The following TMC1 variants were observed in gnomAD, a reference collection of about 807,000 sequenced individuals.
The protein encoded by TMC1 is transmembrane channel like 1.
Under a neutral mutation model 105.8 loss-of-function variants are expected in TMC1, and 84 were observed. That is an observed-to-expected ratio of 0.79 (90% CI 0.67 to 0.95). TMC1 has a LOEUF of 0.95. Ranked by LOEUF, TMC1 falls within the 40% of genes least tolerant of loss-of-function variation. TMC1 has a pLI of 0.00. For missense variants in TMC1, 817 were observed against 914.1 expected, an observed-to-expected ratio of 0.89 and a Z score of 1.37; for synonymous variants, 315 against 311.5, an observed-to-expected ratio of 1.01 and a Z score of -0.12.
At chr9:72,791,797 C>G in intron 15 of TMC1, 89 bp from the exon 16 acceptor site, 1 of 1,076,894 alleles carries the variant, frequency 9.3e-7, no homozygotes, top group Non-Finnish European at 1.4e-6. Context: ...ATCAAAGAAG[C>G]CTAGCTCAGA....
At chr9:72,743,054 G>A (rs921097135) in intron 10 of TMC1, among the ~76,000 whole-genome samples, 1 of 152,078 alleles carries the variant, frequency 6.6e-6, no homozygotes, top group Non-Finnish European at 1.5e-5. Context: ...TGGCCAGCGT[G>A]GTGAATCCCC....
intron 12 of TMC1, among the ~76,000 whole-genome samples, chr9:72,768,076 ATGCCCATC>A (rs1827866546): frequency 6.6e-6 from 1 of 152,224 alleles, no homozygotes; most frequent in African/African-American, 2.4e-5. Context: ...ACCAACCCAA[ATGCCCATC>A]AATGATAGAC....
chr9:72,578,600 G>A (rs968854338), intron 2 of TMC1, among the ~76,000 whole-genome samples: 4 of 152,192 alleles, frequency 2.6e-5, no homozygotes, highest in Admixed American at 2.6e-4. Context: ...CCGTAGGACT[G>A]TTTTCTATGG....
intron 5 of TMC1, among the ~76,000 whole-genome samples, chr9:72,657,566 TG>T (rs1298689227): frequency 2.0e-5 from 3 of 152,188 alleles, no homozygotes; most frequent in African/African-American, 7.2e-5. Flanking sequence ...TTTTCAGTTT[TG>T]GGGTGGTTCT....
chr9:72,676,725 A>G (rs1407419695), intron 5 of TMC1, among the ~76,000 whole-genome samples: 4 of 152,142 alleles, frequency 2.6e-5, no homozygotes, highest in Non-Finnish European at 5.9e-5. Flanking sequence ...CTCAGGACCC[A>G]GATAAACAGA....
At chr9:72,820,787 G>C in intron 19 of TMC1, 55 bp from the exon 20 acceptor site, 1 of 1,610,218 alleles carries the variant, frequency 6.2e-7, no homozygotes. Context: ...GGTGCAGTGT[G>C]ACTTTGTTAT....
intron 3 of TMC1, among the ~76,000 whole-genome samples, chr9:72,619,640 G>A (rs1250701510): frequency 6.6e-6 from 1 of 151,230 alleles, no homozygotes; most frequent in Non-Finnish European, 1.5e-5. Context: ...TACAAAATAT[G>A]TTATTTAACT....
chr9:72,773,977 T>A (rs1827970019), intron 13 of TMC1, among the ~76,000 whole-genome samples: 1 of 152,222 alleles, frequency 6.6e-6, no homozygotes, highest in African/African-American at 2.4e-5. Flanking sequence ...AACAAAGCAC[T>A]TAGAATATGC....
intron 12 of TMC1, among the ~76,000 whole-genome samples, chr9:72,764,863 C>G (rs1016403434): frequency 6.6e-6 from 1 of 152,126 alleles, no homozygotes; most frequent in African/African-American, 2.4e-5. Flanking sequence ...ATTGGATATG[C>G]AAACAAACAA....
At chr9:72,631,286 A>G (rs892662471) in intron 4 of TMC1, among the ~76,000 whole-genome samples, 6 of 152,216 alleles carry the variant, frequency 3.9e-5, no homozygotes, top group Non-Finnish European at 5.9e-5. Flanking sequence ...TAAAATTGCT[A>G]TATATTTTTG....
At chr9:72,810,558 A>G (rs565644734) in intron 18 of TMC1, among the ~76,000 whole-genome samples, 15 of 152,226 alleles carry the variant, frequency 9.9e-5, no homozygotes, top group Non-Finnish European at 2.1e-4. Flanking sequence ...ACATATTTAT[A>G]TATAGTAACA....
chr9:72,536,499 A>T (rs1165917344), intron 1 of TMC1, among the ~76,000 whole-genome samples: 1 of 151,944 alleles, frequency 6.6e-6, no homozygotes, highest in Non-Finnish European at 1.5e-5. Context: ...TGCCTGGCTA[A>T]TTTTTTGTAT....
At chr9:72,651,044 A>G (rs1450060951) in intron 5 of TMC1, 1 of 146,638 alleles carries the variant, frequency 6.8e-6, no homozygotes, top group Non-Finnish European at 1.5e-5. Context: ...GCTGCGTGGT[A>G]TTTCATGGTG....
At chr9:72,531,557 A>G (rs1374282357) in intron 1 of TMC1, among the ~76,000 whole-genome samples, 1 of 152,222 alleles carries the variant, frequency 6.6e-6, no homozygotes, top group African/African-American at 2.4e-5. Context: ...AGCAATATCA[A>G]GTTCAGCTCT....
Position 72,777,873 on chromosome 9 carries a change from A to T in TMC1, c.884+5318A>T, listed in dbSNP as rs959133372. Among the ~76,000 whole-genome samples the T allele has an allele frequency of 9.2e-5, 14 of 152,346 alleles. No individual in the cohort carries two copies. In the East Asian group the frequency reaches 2.7e-3, roughly 29 times the overall value. ...ATGTATTGTGCCATGCAAAAAAGCA[A>T]TTTATGCTGTATGTATTTACTTGGT... is the stretch of plus-strand genomic sequence containing the variant. On this transcript the variant is annotated intron_variant, in intron 13 of 23. Coordinates refer to ENST00000297784, the MANE Select transcript of TMC1 (RefSeq NM_138691.3).
At chr9:72,599,057 G>A (rs551463912) in intron 2 of TMC1, among the ~76,000 whole-genome samples, 3 of 152,074 alleles carry the variant, frequency 2.0e-5, no homozygotes, top group Non-Finnish European at 4.4e-5. Context: ...TTGAGGCACA[G>A]TTTCACTCTG....
rs142752216 is a variant in TMC1, at chr9:72,730,284, G to A, written c.363-9835G>A. Among the ~76,000 whole-genome samples, 14 of 152,198 alleles carry A rather than the reference G, an allele frequency of 9.2e-5. No homozygotes were observed. The East Asian group carries it at 2.5e-3, about 27-fold the overall frequency. ...GTTTCTACGGCCTGCCCTGGGGAAG[G>A]GGAATTCTGAATTCTATGGCTGGTT... On this transcript the variant is annotated intron_variant, in intron 8 of 23. Transcript: ENST00000297784.
chr9:72,602,671 G>A (rs894350880), intron 2 of TMC1, among the ~76,000 whole-genome samples: 5 of 152,124 alleles, frequency 3.3e-5, no homozygotes, highest in Non-Finnish European at 7.4e-5. Context: ...CACTGCACCC[G>A]GCCCCTTATT....
chr9:72,813,020 A>G (rs550682803), intron 18 of TMC1, among the ~76,000 whole-genome samples: 1 of 152,322 alleles, frequency 6.6e-6, no homozygotes, highest in East Asian at 1.9e-4. Flanking sequence ...GATGGACTTT[A>G]GCCCAAATCC....
Sources: gnomAD v4.1 joint callset for allele counts (sites outside exome capture counted in the v4.1 genomes callset) on GRCh38, gnomAD v4.1.1 for gene constraint, MANE v1.5 for transcripts, NCBI Gene and HGNC (gene_info 2026-07-23, HGNC 2026-07-21) for gene names.